CAMK1D: variants seen among roughly 807,000 people sequenced by gnomAD.
CAMK1D encodes the protein calcium/calmodulin-dependent protein kinase type 1D.
CAMK1D carries 9 observed loss-of-function variants against 47.7 expected under a neutral mutation model. The observed-to-expected ratio is 0.19, with a 90% CI of 0.11 to 0.33. The LOEUF is 0.33. CAMK1D is among the 10% of genes least tolerant of loss of function. The pLI, the probability that CAMK1D is intolerant of heterozygous loss-of-function variation, is 1.00. For synonymous variants in CAMK1D, 184 were observed against 184.9 expected, an observed-to-expected ratio of 0.99 and a Z score of 0.04; for missense variants, 291 against 488.7, an observed-to-expected ratio of 0.60 and a Z score of 3.81.
At chr10:12,825,231 C>T (rs753500276) in intron 9 of CAMK1D, among the ~76,000 whole-genome samples, 1 of 126,568 alleles carries the variant, frequency 7.9e-6, no homozygotes, top group African/African-American at 2.9e-5. Context: ...AAAATAAAAA[C>T]TATTTTCAAA....
In CAMK1D at chr10:12,827,624, T is replaced by TCTCTCCC. The variant is rs1277960686; in HGVS notation, c.1040-1139_1040-1138insCCTCTCC. 2.3e-4 allele frequency among the ~76,000 whole-genome samples: 13 copies of TCTCTCCC among 55,348 alleles called. 1 individual carries two copies. The highest frequency in any genetic ancestry group is 8.0e-4 in the African/African-American group (13 of 16,172). 36.3% of individuals were successfully genotyped at this position (55,348 alleles called of 152,430 possible). ...TGCCTTCCCCTCCCCTCCTCTCTCC[T>TCTCTCCC]CTCTCCTCTCTCCCCTCTCCCCTCT... On this transcript the variant is annotated intron_variant, in intron 10 of 10. Coordinates refer to ENST00000619168, the MANE Select transcript of CAMK1D (RefSeq NM_153498.4).
chr10:12,477,925 A>G (rs1833948057), intron 1 of CAMK1D, among the ~76,000 whole-genome samples: 1 of 151,742 alleles, frequency 6.6e-6, no homozygotes, highest in African/African-American at 2.4e-5. Flanking sequence ...CTTTCAGCAC[A>G]TTCTCTCCTT....
chr10:12,491,569 G>A (rs144688696), intron 1 of CAMK1D, among the ~76,000 whole-genome samples: 153 of 152,248 alleles, frequency 1.0e-3, no homozygotes, highest in African/African-American at 3.3e-3. Flanking sequence ...AGCCCTAGGT[G>A]TCCTGTTGAG....
chr10:12,371,303 A>G (rs1311708684), intron 1 of CAMK1D, among the ~76,000 whole-genome samples: 2 of 152,112 alleles, frequency 1.3e-5, no homozygotes, highest in Non-Finnish European at 2.9e-5. Flanking sequence ...GAGGCCGGGC[A>G]CGGTGGCTCA....
chr10:12,786,835 C>T (rs1310882044), intron 5 of CAMK1D, among the ~76,000 whole-genome samples: 1 of 152,200 alleles, frequency 6.6e-6, no homozygotes, highest in Non-Finnish European at 1.5e-5. Context: ...AGAATCTAAA[C>T]ATCTCGGCTG....
chr10:12,544,773 A>T (rs1836306659), intron 1 of CAMK1D, among the ~76,000 whole-genome samples: 1 of 151,938 alleles, frequency 6.6e-6, no homozygotes, highest in South Asian at 2.1e-4. Flanking sequence ...ACTAGTGTTG[A>T]GTGGATAGTA....
chr10:12,776,962 A>G (rs913890388), intron 5 of CAMK1D, among the ~76,000 whole-genome samples: 3 of 152,214 alleles, frequency 2.0e-5, no homozygotes, highest in Non-Finnish European at 2.9e-5. Flanking sequence ...TGGTCACTCT[A>G]TGCATGTCCA....
chr10:12,473,787 GA>G (rs1286107738), intron 1 of CAMK1D, among the ~76,000 whole-genome samples: 1 of 152,154 alleles, frequency 6.6e-6, no homozygotes, highest in East Asian at 1.9e-4. Context: ...AAGTAACAGG[GA>G]AAAGGATCTC....
At chr10:12,764,590 C>T (rs1057063641) in intron 4 of CAMK1D, among the ~76,000 whole-genome samples, 2 of 151,214 alleles carry the variant, frequency 1.3e-5, no homozygotes, top group Non-Finnish European at 3.0e-5. Context: ...CTCTCCTTAT[C>T]ACCTCCTGGG....
At chr10:12,548,514 A>G (rs1201630978) in intron 1 of CAMK1D, among the ~76,000 whole-genome samples, 3 of 138,126 alleles carry the variant, frequency 2.2e-5, no homozygotes, top group African/African-American at 8.2e-5. Context: ...GCCCAGGCTG[A>G]AGTACAGTGC....
At chr10:12,486,607 G>C (rs529978255) in intron 1 of CAMK1D, among the ~76,000 whole-genome samples, 1 of 152,292 alleles carries the variant, frequency 6.6e-6, no homozygotes, top group African/African-American at 2.4e-5. Context: ...ACTATCTGCT[G>C]AGTAAACTCC....
intron 1 of CAMK1D, among the ~76,000 whole-genome samples, chr10:12,352,875 T>C (rs1837393410): frequency 6.6e-6 from 1 of 151,744 alleles, no homozygotes; most frequent in Non-Finnish European, 1.5e-5. Context: ...TAACTGGGAC[T>C]ACAGACGCCC....
chr10:12,729,249 C>T (rs779400782), intron 3 of CAMK1D, among the ~76,000 whole-genome samples: 1 of 151,796 alleles, frequency 6.6e-6, no homozygotes, highest in Non-Finnish European at 1.5e-5. Flanking sequence ...AATAAGATCT[C>T]CACCTCCATG....
rs574742005 is a variant in CAMK1D at position 12,560,340 on chromosome 10, G to A, written c.224+6984G>A. On this transcript the variant is annotated intron_variant, in intron 2 of 10. Coordinates refer to ENST00000619168, the MANE Select transcript of CAMK1D (RefSeq NM_153498.4). ...AGGCGAGGCGGGCGGATCACCTGAG[G>A]TCAGGAGTTAGAGACCAGCCTGGCC... Among the ~76,000 whole-genome samples, 3 of 152,082 alleles carry A rather than the reference G, an allele frequency of 2.0e-5. No homozygotes were observed. The South Asian group carries it at 6.2e-4, about 32-fold the overall frequency.
intron 2 of CAMK1D, among the ~76,000 whole-genome samples, chr10:12,650,972 T>C (rs370456118): frequency 1.4e-4 from 22 of 152,274 alleles, no homozygotes; most frequent in Admixed American, 7.2e-4. Context: ...TCGCTTCCCC[T>C]AAGGCTCCCT....
intron 5 of CAMK1D, among the ~76,000 whole-genome samples, chr10:12,786,567 A>G (rs140383480): frequency 3.8e-4 from 58 of 152,202 alleles, no homozygotes; most frequent in African/African-American, 1.1e-3. Flanking sequence ...TTGTTTGTTT[A>G]TTTATTTTAG....
chr10:12,380,058 CA>C (rs1334935475), intron 1 of CAMK1D, among the ~76,000 whole-genome samples: 1 of 150,742 alleles, frequency 6.6e-6, no homozygotes, highest in African/African-American at 2.4e-5. Context: ...ACTAAAAATG[CA>C]AAAAAATTAG....
At position 12,506,248 on chromosome 10, in the gene CAMK1D, C is replaced by T. The variant is rs537002212; in HGVS notation, c.93-46977C>T. ...AGCCTGGCCAACATGGCGAAACCCC[C>T]GTCTCTACTAAAAACACAAAAACTA... On this transcript the variant is annotated intron_variant, in intron 1 of 10. Transcript: ENST00000619168. Among the ~76,000 whole-genome samples the T allele has an allele frequency of 2.2e-4, 34 of 152,106 alleles. 1 individual carries two copies. Among genetic ancestry groups the T allele is most frequent in the Middle Eastern group, 3.4e-3 (1 of 292 alleles).
At chr10:12,615,446 A>G (rs10906184) in intron 2 of CAMK1D, among the ~76,000 whole-genome samples, 13,622 of 148,276 alleles carry the variant, frequency 0.092, 844 homozygotes, top group Admixed American at 0.17. Context: ...GAGTGTGTGC[A>G]TGTGTGTGTG....
Sources: gnomAD v4.1 joint callset for allele counts (sites outside exome capture counted in the v4.1 genomes callset) on GRCh38, gnomAD v4.1.1 for gene constraint, MANE v1.5 for transcripts, NCBI Gene and HGNC (gene_info 2026-07-23, HGNC 2026-07-21) for gene names.